NQO2: variants seen among roughly 807,000 people sequenced by gnomAD.
NQO2 encodes the protein ribosyldihydronicotinamide dehydrogenase [quinone].
In NQO2, 18 loss-of-function variants were observed where a neutral mutation model predicts 22.0. That is an observed-to-expected ratio of 0.82 (90% CI 0.56 to 1.21). The LOEUF (loss-of-function observed/expected upper bound fraction) is 1.21, where lower values mean the gene tolerates loss of function less well. Among genes scored for constraint, NQO2 ranks in the 50% most tolerant of loss-of-function variants. The pLI, the probability that NQO2 is intolerant of heterozygous loss-of-function variation, is 0.00. For missense variants in NQO2, 267 were observed against 286.9 expected (o/e 0.93, Z 0.50); for synonymous variants, 106 against 110.8 (o/e 0.96, Z 0.28).
At chr6:3,008,412 C>CAAA (rs543349139) in intron 2 of NQO2, among the ~76,000 whole-genome samples, 1 of 83,576 alleles carries the variant, frequency 1.2e-5, no homozygotes, top group African/African-American at 3.6e-5. Flanking sequence ...AACTCTGTTT[C>CAAA]AAAAAAAAAA....
rs758497559 is a variant in NQO2, at chr6:3,006,496, G to A, written c.-57G>A. On this transcript the variant is annotated 5_prime_UTR_variant, in exon 2 of 7. Transcript: ENST00000380455. This position sits in a 1 kb window ranked among gnomAD's most constrained non-coding sequence, Gnocchi z 4.0. ...GCTGGACTCGCTGAAGAGAGACTAC[G>A]CAGGAAAGCCCCAGCCACCCATCAA... 6.0e-5 allele frequency: 97 copies of A among 1,612,194 alleles called. 2 individuals carry two copies. Among genetic ancestry groups the A allele is most frequent in the South Asian group, 4.4e-4 (40 of 90,690 alleles).
At chr6:3,018,253 T>G (rs777592434) in intron 6 of NQO2, among the ~76,000 whole-genome samples, 1 of 152,224 alleles carries the variant, frequency 6.6e-6, no homozygotes, top group Non-Finnish European at 1.5e-5. Context: ...ACGCCTGTAA[T>G]TCCAGCACTC....
In NQO2 at chr6:3,012,811, G is replaced by A. The variant is rs1757182537; in HGVS notation, c.303+137G>A. On this transcript the variant is annotated intron_variant, in intron 4 of 6. Coordinates refer to ENST00000380455, the MANE Select transcript of NQO2 (RefSeq NM_000904.6). ...GTTGCACACTTACTGAGCAAATATT[G>A]TAACCTGGTTACAACACCTAGTTAC... 1.1e-5 allele frequency: 9 copies of A among 841,554 alleles called. No individual in the cohort carries two copies. The South Asian group carries it at 1.6e-4, about 15-fold the overall frequency. 52.1% of individuals were successfully genotyped at this position (841,554 alleles called of 1,614,324 possible).
At chr6:3,013,440 G>A (rs1757217597) in intron 4 of NQO2, among the ~76,000 whole-genome samples, 1 of 152,112 alleles carries the variant, frequency 6.6e-6, no homozygotes, top group African/African-American at 2.4e-5. Flanking sequence ...TTCCTGCCCT[G>A]AGACATTCTG....
chr6:3,015,425 G>C, intron 4 of NQO2, 105 bp from the exon 5 acceptor site: 1 of 1,489,512 alleles, frequency 6.7e-7, no homozygotes, highest in East Asian at 2.4e-5. Context: ...CAGCTGCCAG[G>C]GAAGAGGAGG....
chr6:3,005,512 C>A (rs1408054734), intron 1 of NQO2: 2 of 299,332 alleles, frequency 6.7e-6, no homozygotes, highest in Admixed American at 1.3e-4. Context: ...AGCATCTTTT[C>A]ATGGCTTACT....
chr6:3,005,592 TTTG>T (rs1459445760), intron 1 of NQO2: 21 of 963,774 alleles, frequency 2.2e-5, no homozygotes, highest in Non-Finnish European at 2.6e-5. Flanking sequence ...AGTTGTTTGC[TTTG>T]TTGTTGTTAA....
chr6:3,012,305 A>G, intron 3 of NQO2: 14 of 790,850 alleles, frequency 1.8e-5, no homozygotes, highest in Non-Finnish European at 2.1e-5. Context: ...ACCAGTTGTT[A>G]TGAAGAAAGG....
chr6:3,010,038 C>T lies in NQO2; in HGVS notation c.21C>T (p.Leu7=). The change falls in exon 3 of 7, where the codon CTC becomes CTT. Residue 7 remains leucine, a synonymous_variant. Transcript: ENST00000380455. ...ATCCTGATTTAGGTAAGAAAGTACT[C>T]ATTGTCTATGCACACCAGGAACCCA... MAGKKV[L]IVYAHQEPKS... 1 of 1,612,422 alleles carries T rather than the reference C, an allele frequency of 6.2e-7. No homozygotes were observed. Among genetic ancestry groups the T allele is most frequent in the Non-Finnish European group, 8.5e-7 (1 of 1,179,430 alleles).
At chr6:3,019,425 G>A (rs1397667760) in intron 6 of NQO2, 54 bp from the exon 7 acceptor site, 1 of 1,528,616 alleles carries the variant, frequency 6.5e-7, no homozygotes, top group Non-Finnish European at 8.8e-7. Flanking sequence ...TTAACTGAAT[G>A]GTATGTAACA....
rs56078354 is a variant in NQO2 at position 3,012,513 on chromosome 6, G to A, written c.173-31G>A. 6.7e-3 allele frequency: 10,781 copies of A among 1,613,436 alleles called. 61 individuals are homozygous for A. The highest frequency in any genetic ancestry group is 8.2e-3 in the Non-Finnish European group (9,625 of 1,179,650). ...GGATGGGCTGTGGATGCCCACCTAGGAGTGAGAATGTTTGGCCTCTTCCCC... is the reference window on the plus strand; with the variant it reads ...GGATGGGCTGTGGATGCCCACCTAGAAGTGAGAATGTTTGGCCTCTTCCCC... On this transcript the variant is annotated intron_variant, in intron 3 of 6. Coordinates refer to ENST00000380455, the MANE Select transcript of NQO2 (RefSeq NM_000904.6).
rs371314432 is a variant in NQO2, at chr6:3,006,278, A to G, written c.-85-190A>G. On this transcript the variant is annotated intron_variant, in intron 1 of 6. Coordinates refer to ENST00000380455, the MANE Select transcript of NQO2 (RefSeq NM_000904.6). This position sits in a 1 kb window ranked among gnomAD's most constrained non-coding sequence, Gnocchi z 4.0. Reference sequence around the variant, plus strand: ...AGTCCTCTCAAAAAAGGAAAAAAGTATGGGTTTTGACATCCTGCGTGGCTT... The same window carrying G: ...AGTCCTCTCAAAAAAGGAAAAAAGTGTGGGTTTTGACATCCTGCGTGGCTT... 1.0e-4 allele frequency: 98 copies of G among 966,874 alleles called. No homozygotes were observed. In the African/African-American group the frequency reaches 1.7e-3, roughly 16 times the overall value. 59.9% of individuals were successfully genotyped at this position (966,874 alleles called of 1,614,324 possible). A position where few individuals can be genotyped will look rare whatever the true frequency, so the allele number is the denominator to read the frequency against.
At position 3,019,682 on chromosome 6, in the gene NQO2, G is replaced by A; in HGVS notation, c.*27G>A. The A allele has an allele frequency of 6.4e-7, 1 of 1,567,046 alleles. No individual in the cohort carries two copies. The highest frequency in any genetic ancestry group is 1.4e-5 in the African/African-American group (1 of 73,882). ...TCTGTGGCACGTGGGCATCACGTAA[G>A]CAGCACACTAGGAGGCCCAGGCGCA... On this transcript the variant is annotated 3_prime_UTR_variant, in exon 7 of 7. Transcript: ENST00000380455.
At chr6:3,003,326 C>T (rs1756802335) in intron 1 of NQO2, among the ~76,000 whole-genome samples, 1 of 151,258 alleles carries the variant, frequency 6.6e-6, no homozygotes, top group Non-Finnish European at 1.5e-5. Flanking sequence ...TGAGGAGTGA[C>T]CCCCAGGAAC....
chr6:3,018,245 G>A (rs1337569138), intron 6 of NQO2, among the ~76,000 whole-genome samples: 18 of 152,196 alleles, frequency 1.2e-4, no homozygotes, highest in Non-Finnish European at 1.9e-4. Flanking sequence ...GGTGGCTCAC[G>A]CCTGTAATTC....
At chr6:3,014,504 C>T (rs4149365) in intron 4 of NQO2, among the ~76,000 whole-genome samples, 7,053 of 152,194 alleles carry the variant, frequency 0.046, 221 homozygotes, top group East Asian at 0.16. Context: ...ACGTGGAGCC[C>T]GCTTTCCTCC....
chr6:3,015,564 T>C lies in NQO2; in HGVS notation c.338T>C (p.Leu113Pro), dbSNP rs777861209. The C allele has an allele frequency of 6.2e-7, 1 of 1,614,130 alleles. No individual in the cohort carries two copies. Among genetic ancestry groups the C allele is most frequent in the South Asian group, 1.1e-5 (1 of 91,082 alleles). ...PLYWFSVPAILKGWMDRVLCQ... is the reference protein window; with the variant it reads ...PLYWFSVPAIPKGWMDRVLCQ... ...TACTGGTTCAGCGTGCCAGCCATCCTGAAGGGCTGGATGGATAGGGTGCTG... is the reference window on the plus strand; with the variant it reads ...TACTGGTTCAGCGTGCCAGCCATCCCGAAGGGCTGGATGGATAGGGTGCTG... The change falls in exon 5 of 7, where the codon CTG becomes CCG. Residue 113 changes from leucine to proline, a missense_variant. Leu to Pro is a moderately conservative substitution (Grantham distance 98, BLOSUM62 -3). Coordinates refer to ENST00000380455, the MANE Select transcript of NQO2 (RefSeq NM_000904.6).
At chr6:3,016,152 T>C (rs3778259) in intron 5 of NQO2, among the ~76,000 whole-genome samples, 117,269 of 152,162 alleles carry the variant, frequency 0.77, 45,728 homozygotes, top group African/African-American at 0.9. Flanking sequence ...TTTTTAAGGC[T>C]GGGTGCAGTG....
At chr6:3,004,640 A>G (rs940253784) in intron 1 of NQO2, 124 of 985,318 alleles carry the variant, frequency 1.3e-4, no homozygotes, top group Non-Finnish European at 1.5e-4. Flanking sequence ...CCTGCTCAAG[A>G]TTCCAGTCCT....
Sources: allele counts gnomAD v4.1 joint callset (sites outside exome capture counted in the v4.1 genomes callset), GRCh38; gene constraint gnomAD v4.1.1; non-coding constraint Gnocchi (gnomAD v3.1); transcripts MANE v1.5; gene names NCBI Gene and HGNC (gene_info 2026-07-23, HGNC 2026-07-21).